ITPR1: variants seen among roughly 807,000 people sequenced by gnomAD.
The protein encoded by ITPR1 is inositol 1,4,5-trisphosphate-gated calcium channel ITPR1.
Under a neutral mutation model 318.4 loss-of-function variants are expected in ITPR1, and 96 were observed. The ratio of observed to expected loss-of-function variants is 0.30; its 90% CI spans 0.26 to 0.36. The LOEUF (loss-of-function observed/expected upper bound fraction) is 0.36. Among genes scored for constraint, ITPR1 ranks in the 10% least tolerant of loss-of-function variants. The pLI is 1.00. For missense variants in ITPR1, 2,440 were observed against 3,460.2 expected (o/e 0.71, Z 7.40); for synonymous variants, 1,312 against 1,289.9 (o/e 1.02, Z -0.37).
In ITPR1 at chr3:4,766,481, A is replaced by G. The variant is rs1559859075; in HGVS notation, c.5545-49A>G. The G allele has an allele frequency of 3.9e-6, 6 of 1,522,704 alleles. No homozygotes were observed. In the South Asian group the frequency reaches 4.7e-5, roughly 12 times the overall value. The allele number at this position is 1,522,704 out of a possible 1,614,324, so 94.3% of individuals were successfully genotyped here. On this transcript the variant is annotated intron_variant, in intron 44 of 61. Transcript: ENST00000649015. ...GGTTTTGGTGTCATGAGTGGGGTGC[A>G]GTTTCTGGTCAGTTACAGTGTTCAC...
chr3:4,765,490 T>C (rs1021985958), intron 44 of ITPR1, among the ~76,000 whole-genome samples: 3 of 152,196 alleles, frequency 2.0e-5, no homozygotes, highest in African/African-American at 7.2e-5. Flanking sequence ...GGTGTGTGTA[T>C]GGGTGAGAGT....
intron 4 of ITPR1, among the ~76,000 whole-genome samples, chr3:4,621,936 C>G (rs1575763080): frequency 6.6e-6 from 1 of 152,126 alleles, no homozygotes; most frequent in African/African-American, 2.4e-5. Context: ...CTCCCCACCT[C>G]AGCCCTAGTG....
rs1329725199 is a variant in ITPR1, at chr3:4,710,994, C to A, written c.4991+521C>A. 6.6e-6 allele frequency among the ~76,000 whole-genome samples: 1 copy of A among 151,946 alleles called. No individual in the cohort carries two copies. The highest frequency in any genetic ancestry group is 1.5e-5 in the Non-Finnish European group (1 of 67,972). On this transcript the variant is annotated intron_variant, in intron 38 of 61. Coordinates refer to ENST00000649015, the MANE Select transcript of ITPR1 (RefSeq NM_001378452.1). This position sits in a 1 kb window ranked among gnomAD's most constrained non-coding sequence, Gnocchi z 4.2. ...TGGGAGGCCGGGGCTGGTGAATCAC[C>A]TGAGGTCAGGGGTTCAAGACCAGCC...
At chr3:4,755,003 T>C (rs2125353274) in intron 44 of ITPR1, among the ~76,000 whole-genome samples, 1 of 152,124 alleles carries the variant, frequency 6.6e-6, no homozygotes, top group East Asian at 1.9e-4. Context: ...CAGAGAAAAT[T>C]TGGAGTCTCC....
intron 4 of ITPR1, among the ~76,000 whole-genome samples, chr3:4,609,089 T>TACACACACAC (rs1553643409): frequency 2.5e-4 from 23 of 91,946 alleles, no homozygotes; most frequent in Admixed American, 1.6e-3. Flanking sequence ...TATATATATA[T>TACACACACAC]ACACACACAC....
rs1337373527 is a variant in ITPR1 at position 4,846,362 on chromosome 3, A to G, written c.*137A>G. The G allele has an allele frequency of 8.2e-6, 4 of 488,182 alleles. No individual in the cohort carries two copies. The highest frequency in any genetic ancestry group is 7.2e-6 in the Non-Finnish European group (2 of 276,326). 30.2% of individuals were successfully genotyped at this position (488,182 alleles called of 1,614,324 possible). ...AAATACTCAGTTTTATACTGTATGT[A>G]TATGATTGCTACTCTAAAGGTTTGG... On this transcript the variant is annotated 3_prime_UTR_variant, in exon 62 of 62. Coordinates refer to ENST00000649015, the MANE Select transcript of ITPR1 (RefSeq NM_001378452.1).
intron 59 of ITPR1, among the ~76,000 whole-genome samples, 160 bp from the exon 60 acceptor site, chr3:4,817,921 TA>T (rs1326832037): frequency 6.6e-6 from 1 of 152,222 alleles, no homozygotes; most frequent in African/African-American, 2.4e-5. Context: ...TTTCCTGCCA[TA>T]ATGTAAACAT....
intron 52 of ITPR1, among the ~76,000 whole-genome samples, chr3:4,791,437 T>G (rs758093737): frequency 2.6e-5 from 4 of 152,162 alleles, no homozygotes; most frequent in Non-Finnish European, 5.9e-5. Flanking sequence ...ATCCCTCACA[T>G]GCACAGTTCA....
In ITPR1 at chr3:4,699,819, A is replaced by G; in HGVS notation, c.4414A>G (p.Asn1472Asp). 6.2e-7 allele frequency: 1 copy of G among 1,613,856 alleles called. No individual in the cohort carries two copies. Among genetic ancestry groups the G allele is most frequent in the Non-Finnish European group, 8.5e-7 (1 of 1,179,792 alleles). The change falls in exon 35 of 62, where the codon AAC (asparagine) becomes GAC (aspartate). Residue 1472 changes from asparagine (N) to aspartate (D), a missense_variant. Around this residue, in one of 23 missense-constraint regions of ITPR1, gnomAD observed 73 missense variants for 59.5 expected, o/e 1.23. Transcript: ENST00000649015. The part of the protein sequence containing the change: ...NFLVDICRAC[N>D]NTSDRKHADS... ...ATACCCACTTGTCTTCCAGGCCTGTAACAACACTAGTGACAGGAAACATGC... is the reference window on the plus strand; with the variant it reads ...ATACCCACTTGTCTTCCAGGCCTGTGACAACACTAGTGACAGGAAACATGC...
intron 42 of ITPR1, 124 bp from the exon 43 acceptor site, chr3:4,732,964 A>C (rs1245534487): frequency 1.1e-6 from 1 of 936,250 alleles, no homozygotes; most frequent in Admixed American, 2.1e-5. Context: ...TCCATGAATA[A>C]TTTATTCTTT....
Position 4,599,564 on chromosome 3 carries a change from C to T in ITPR1, c.164-28199C>T, listed in dbSNP as rs890096463. On this transcript the variant is annotated intron_variant, in intron 4 of 61. Transcript: ENST00000649015. ...AACATCCTACTTCCTTTGGTCCTCA[C>T]CTTACAGTTCTTGAGTGATGGCTGT... is the stretch of plus-strand genomic sequence containing the variant. Among the ~76,000 whole-genome samples, 72 of 152,296 alleles carry T rather than the reference C, an allele frequency of 4.7e-4. 1 individual carries two copies. The highest frequency in any genetic ancestry group is 1.7e-3 in the African/African-American group (69 of 41,554).
chr3:4,674,094 G>C lies in ITPR1; in HGVS notation c.2457-108G>C, dbSNP rs564549630. On this transcript the variant is annotated intron_variant, in intron 21 of 61. Coordinates refer to ENST00000649015, the MANE Select transcript of ITPR1 (RefSeq NM_001378452.1). ...GAGGGAAAAAATAAAGTAGGGTCAA[G>C]GGATGCCAAGGGTTAGGGGATGTTG... The C allele has an allele frequency of 4.2e-4, 331 of 796,090 alleles. 6 individuals carry two copies. The South Asian group carries it at 5.7e-3, about 14-fold the overall frequency. 49.3% of individuals were successfully genotyped at this position (796,090 alleles called of 1,614,324 possible). A position where few individuals can be genotyped will look rare whatever the true frequency, so the allele number is the denominator to read the frequency against.
Position 4,836,947 on chromosome 3 carries a change from A to G in ITPR1, c.8190+12A>G. 1 of 1,562,854 alleles carries G rather than the reference A, an allele frequency of 6.4e-7. No individual in the cohort carries two copies. The highest frequency in any genetic ancestry group is 8.7e-7 in the Non-Finnish European group (1 of 1,145,044). Reference sequence around the variant, plus strand: ...AATTAAAGGATCAGGTAAAGAAAGAAAATCCCAGCGCCTACCCTCCCATCA... The same window carrying G: ...AATTAAAGGATCAGGTAAAGAAAGAGAATCCCAGCGCCTACCCTCCCATCA... On this transcript the variant is annotated intron_variant, in intron 61 of 61. Coordinates refer to ENST00000649015, the MANE Select transcript of ITPR1 (RefSeq NM_001378452.1).
chr3:4,785,931 C>A (rs1559893173), intron 51 of ITPR1, among the ~76,000 whole-genome samples: 1 of 152,214 alleles, frequency 6.6e-6, no homozygotes, highest in Non-Finnish European at 1.5e-5. Context: ...CCCAGCTCTT[C>A]AGGTTTCCCT....
intron 4 of ITPR1, among the ~76,000 whole-genome samples, chr3:4,591,199 T>G (rs143658900): frequency 6.6e-6 from 1 of 152,212 alleles, no homozygotes; most frequent in Admixed American, 6.5e-5. Context: ...ATTGTGCATG[T>G]GTATTTATGG....
In ITPR1 at chr3:4,643,207, G is replaced by T. The variant is rs946609459; in HGVS notation, c.526-929G>T. The stretch of plus-strand genomic sequence containing the variant: ...AACTTAGGTTTCACCAAAAGTGTTG[G>T]ATTTATTGAATGAACTTATATTCAT... On this transcript the variant is annotated intron_variant, in intron 7 of 61. Transcript: ENST00000649015. 2.0e-5 allele frequency among the ~76,000 whole-genome samples: 3 copies of T among 152,204 alleles called. No individual in the cohort carries two copies. The South Asian group carries it at 6.2e-4, about 32-fold the overall frequency.
intron 2 of ITPR1, among the ~76,000 whole-genome samples, chr3:4,501,132 G>A (rs977823183): frequency 4.6e-5 from 7 of 151,920 alleles, no homozygotes; most frequent in East Asian, 1.9e-4. Flanking sequence ...AAAGTGCTGG[G>A]ACTGGAGGTG....
At chr3:4,525,516 G>A (rs1406126353) in intron 4 of ITPR1, among the ~76,000 whole-genome samples, 2 of 152,126 alleles carry the variant, frequency 1.3e-5, no homozygotes, top group African/African-American at 4.8e-5. Context: ...AGGAAGAAAA[G>A]GTTGGCTGCA....
Position 4,829,351 on chromosome 3 carries a change from G to T in ITPR1, c.8029-7423G>T, listed in dbSNP as rs186535254. Reference sequence around the variant, plus strand: ...ATACAGGGATATTAATATGCATGTGGTCTGAAGTCACTGTACTTTTGGGAC... The same window carrying T: ...ATACAGGGATATTAATATGCATGTGTTCTGAAGTCACTGTACTTTTGGGAC... On this transcript the variant is annotated intron_variant, in intron 60 of 61. Coordinates refer to ENST00000649015, the MANE Select transcript of ITPR1 (RefSeq NM_001378452.1). Among the ~76,000 whole-genome samples, 43 of 152,296 alleles carry T rather than the reference G, an allele frequency of 2.8e-4. No individual in the cohort carries two copies. In the East Asian group the frequency reaches 7.5e-3, roughly 27 times the overall value.
Sources: gnomAD v4.1 joint callset for allele counts (sites outside exome capture counted in the v4.1 genomes callset) on GRCh38, gnomAD v4.1.1 for gene constraint, gnomAD v4.1.1 regional missense constraint, Gnocchi (gnomAD v3.1) non-coding constraint, MANE v1.5 for transcripts, NCBI Gene and HGNC (gene_info 2026-07-23, HGNC 2026-07-21) for gene names.